CDKAL1: variants seen among roughly 807,000 people sequenced by gnomAD.
CDKAL1 encodes the protein threonylcarbamoyladenosine tRNA methylthiotransferase.
In CDKAL1, 32 loss-of-function variants were observed where a neutral mutation model predicts 68.2. That is an observed-to-expected ratio of 0.47 (90% CI 0.35 to 0.63). CDKAL1 has a LOEUF of 0.63. CDKAL1 is among the 30% of genes least tolerant of loss of function. The probability of loss-of-function intolerance (pLI) is 0.00; values close to 1 mark genes in which losing one functional copy is unlikely to be tolerated. For missense variants in CDKAL1, 606 were observed against 696.7 expected (o/e 0.87, Z 1.47); for synonymous variants, 234 against 244.3 (o/e 0.96, Z 0.39).
intron 9 of CDKAL1, among the ~76,000 whole-genome samples, chr6:20,946,891 C>G (rs1464455530): frequency 6.6e-6 from 1 of 152,216 alleles, no homozygotes; most frequent in African/African-American, 2.4e-5. Context: ...GCCACTGCAA[C>G]TGACCTCATC....
intron 15 of CDKAL1, among the ~76,000 whole-genome samples, chr6:21,210,863 G>A (rs1338935024): frequency 6.6e-6 from 1 of 152,174 alleles, no homozygotes; most frequent in Admixed American, 6.5e-5. Context: ...GAGTTTTCCA[G>A]AAACAACACC....
intron 11 of CDKAL1, among the ~76,000 whole-genome samples, chr6:21,043,261 T>C (rs1770032998): frequency 6.6e-6 from 1 of 152,148 alleles, no homozygotes; most frequent in African/African-American, 2.4e-5. Context: ...TTGATGGTGT[T>C]GATTAATTGA....
chr6:20,609,228 T>C lies in CDKAL1; in HGVS notation c.287-40065T>C, dbSNP rs115227835. Reference sequence around the variant, plus strand: ...AGCACCTTTTTATTTTCTTCTTCTTTCTTCCTTCTTCCTTCCTTCTTCTTC... The same window carrying C: ...AGCACCTTTTTATTTTCTTCTTCTTCCTTCCTTCTTCCTTCCTTCTTCTTC... On this transcript the variant is annotated intron_variant, in intron 4 of 15. Coordinates refer to ENST00000274695, the MANE Select transcript of CDKAL1 (RefSeq NM_017774.3). Among the ~76,000 whole-genome samples the C allele has an allele frequency of 6.5e-3, 976 of 149,646 alleles. 11 individuals are homozygous for C. Among genetic ancestry groups the C allele is most frequent in the African/African-American group, 0.023 (919 of 39,926 alleles).
intron 8 of CDKAL1, among the ~76,000 whole-genome samples, chr6:20,784,105 C>G (rs940903983): frequency 6.6e-6 from 1 of 151,406 alleles, no homozygotes; most frequent in African/African-American, 2.4e-5. Flanking sequence ...CCTAGCTACT[C>G]GGGAAGCTGA....
intron 11 of CDKAL1, among the ~76,000 whole-genome samples, chr6:21,029,451 G>A (rs1202223344): frequency 6.6e-6 from 1 of 152,048 alleles, no homozygotes; most frequent in African/African-American, 2.4e-5. Flanking sequence ...AGACTTGGGA[G>A]TCAGAGTAAT....
At chr6:20,699,797 A>G (rs1270523608) in intron 5 of CDKAL1, among the ~76,000 whole-genome samples, 1 of 152,196 alleles carries the variant, frequency 6.6e-6, no homozygotes, top group Non-Finnish European at 1.5e-5. Flanking sequence ...TCACAGAACC[A>G]TGTACAGCAT....
chr6:21,091,887 T>C lies in CDKAL1; in HGVS notation c.1237-16514T>C, dbSNP rs1281783736. ...TTTTTTTTTTTTTTTTTTTTTTTTT[T>C]TTTTTTTTTTTTTTTTTGAGACGGA... is the stretch of plus-strand genomic sequence containing the variant. On this transcript the variant is annotated intron_variant, in intron 12 of 15. Transcript: ENST00000274695. Among the ~76,000 whole-genome samples, 28 of 17,026 alleles carry C rather than the reference T, an allele frequency of 1.6e-3. 1 individual carries two copies. Among genetic ancestry groups the C allele is most frequent in the Non-Finnish European group, 2.5e-3 (26 of 10,444 alleles). 11.2% of individuals were successfully genotyped at this position (17,026 alleles called of 152,430 possible).
chr6:20,723,550 CA>C, intron 5 of CDKAL1: 1 of 183,086 alleles, frequency 5.5e-6, no homozygotes, highest in South Asian at 1.4e-4. Flanking sequence ...AAGGGGCCGA[CA>C]AAAATCCTGC....
intron 13 of CDKAL1, among the ~76,000 whole-genome samples, chr6:21,164,798 C>T (rs1420204182): frequency 6.6e-6 from 1 of 152,138 alleles, no homozygotes; most frequent in Admixed American, 6.5e-5. Flanking sequence ...CAGCTTTGTG[C>T]CAGCCTTTAA....
At chr6:20,729,218 T>G (rs1323496506) in intron 5 of CDKAL1, among the ~76,000 whole-genome samples, 1 of 152,212 alleles carries the variant, frequency 6.6e-6, no homozygotes, top group Non-Finnish European at 1.5e-5. Context: ...GGAGGTACTC[T>G]TTATGACATC....
intron 4 of CDKAL1, among the ~76,000 whole-genome samples, chr6:20,557,260 A>G (rs1022720152): frequency 1.3e-5 from 2 of 152,032 alleles, no homozygotes; most frequent in African/African-American, 4.8e-5. Context: ...TCTGTAGCCA[A>G]AGATGATGTC....
intron 8 of CDKAL1, among the ~76,000 whole-genome samples, chr6:20,799,145 C>T (rs187341817): frequency 6.3e-5 from 9 of 142,876 alleles, no homozygotes; most frequent in South Asian, 2.3e-4. Flanking sequence ...CTCTGGCTCC[C>T]GGGTTCTAGC....
At chr6:20,679,976 ATTT>A (rs1414136686) in intron 5 of CDKAL1, among the ~76,000 whole-genome samples, 2 of 151,038 alleles carry the variant, frequency 1.3e-5, no homozygotes, top group African/African-American at 4.9e-5. Context: ...CTTTTTTAAA[ATTT>A]TTTTGCTGGG....
intron 4 of CDKAL1, among the ~76,000 whole-genome samples, chr6:20,565,215 C>T (rs768895430): frequency 2.6e-5 from 4 of 151,980 alleles, no homozygotes; most frequent in Non-Finnish European, 5.9e-5. Flanking sequence ...AAGACAGTTC[C>T]ATTACTATTA....
At chr6:20,978,308 G>T (rs531558174) in intron 10 of CDKAL1, among the ~76,000 whole-genome samples, 2 of 152,178 alleles carry the variant, frequency 1.3e-5, no homozygotes, top group African/African-American at 4.8e-5. Context: ...CATGTGGCGG[G>T]TGTTTTTCTT....
chr6:21,200,919 A>G, intron 14 of CDKAL1, 191 bp from the exon 15 acceptor site: 2 of 455,970 alleles, frequency 4.4e-6, no homozygotes, highest in Non-Finnish European at 7.8e-6. Flanking sequence ...TAATATTAAT[A>G]TATCAATTTG....
chr6:20,871,701 C>T (rs576218801), intron 9 of CDKAL1, among the ~76,000 whole-genome samples: 21 of 152,228 alleles, frequency 1.4e-4, no homozygotes, highest in Admixed American at 3.9e-4. Flanking sequence ...TTCAAGGTTA[C>T]CTCTCTCAGC....
intron 4 of CDKAL1, among the ~76,000 whole-genome samples, chr6:20,620,958 C>T (rs1767165431): frequency 6.6e-6 from 1 of 151,930 alleles, no homozygotes; most frequent in African/African-American, 2.4e-5. Flanking sequence ...CTTTTCTTTT[C>T]CAGGATGCCA....
chr6:20,798,917 C>CAAAAAAAAA (rs200034795), intron 8 of CDKAL1, among the ~76,000 whole-genome samples: 4 of 103,202 alleles, frequency 3.9e-5, no homozygotes, highest in East Asian at 2.5e-4. Context: ...TATAATAATA[C>CAAAAAAAAA]AAAAAAAAAA....
Sources: gnomAD v4.1 joint callset for allele counts (sites outside exome capture counted in the v4.1 genomes callset) on GRCh38, gnomAD v4.1.1 for gene constraint, MANE v1.5 for transcripts, NCBI Gene and HGNC (gene_info 2026-07-23, HGNC 2026-07-21) for gene names.